XIAP: variants seen among roughly 807,000 people sequenced by gnomAD.
XIAP encodes E3 ubiquitin-protein ligase XIAP.
A neutral mutation model predicts 33.1 loss-of-function variants in XIAP; 3 were observed. The ratio of observed to expected loss-of-function variants is 0.09; its 90% CI spans 0.04 to 0.23. The LOEUF is 0.23. Ranked by LOEUF, XIAP falls within the 10% of genes least tolerant of loss-of-function variation. XIAP has a pLI of 1.00. For synonymous variants in XIAP, 98 were observed against 121.3 expected, an observed-to-expected ratio of 0.81 and a Z score of 1.26; for missense variants, 264 against 363.0, an observed-to-expected ratio of 0.73 and a Z score of 2.22.
At chrX:123,903,974 A>G (rs2053538058) in intron 6 of XIAP, among the ~76,000 whole-genome samples, 1 of 110,627 alleles carries the variant, frequency 9.0e-6, no homozygotes, top group African/African-American at 3.3e-5. Flanking sequence ...AATAATAATA[A>G]AAACATGTTC....
intron 1 of XIAP, among the ~76,000 whole-genome samples, chrX:123,880,139 G>A (rs781039965): frequency 1.3e-4 from 13 of 102,049 alleles, no homozygotes; most frequent in Admixed American, 3.2e-4. Context: ...AAGGCTGGGC[G>A]CGGTGGCTCA....
At chrX:123,861,766 T>C (rs1035413013) in intron 1 of XIAP, among the ~76,000 whole-genome samples, 3 of 111,938 alleles carry the variant, frequency 2.7e-5, no homozygotes, top group African/African-American at 9.7e-5. Context: ...TATTTATACA[T>C]ATCAGTGGTT....
At chrX:123,868,366 C>G (rs144459350) in intron 1 of XIAP, among the ~76,000 whole-genome samples, 1 of 110,921 alleles carries the variant, frequency 9.0e-6, no homozygotes, top group East Asian at 2.8e-4. Flanking sequence ...TTGATTCCAA[C>G]GATTCAAAAC....
chrX:123,892,588 G>T (rs1296665862), intron 4 of XIAP, 143 bp from the exon 5 acceptor site: 10 of 475,470 alleles, frequency 2.1e-5, no homozygotes, highest in Non-Finnish European at 3.7e-5. Context: ...AGCTCCATCA[G>T]GCTATGCCTC....
In XIAP at chrX:123,877,132, C is replaced by T. The variant is rs747696301; in HGVS notation, c.-32-8499C>T. The stretch of plus-strand genomic sequence containing the variant: ...CCAGGCTGGAGTACAGTGGCATGAT[C>T]TGGGCTCACTGCAACCCCCGCCTTC... On this transcript the variant is annotated intron_variant, in intron 1 of 6. Transcript: ENST00000371199. Among the ~76,000 whole-genome samples the T allele has an allele frequency of 1.4e-4, 15 of 106,828 alleles. No individual in the cohort carries two copies. The Admixed American group carries it at 1.5e-3, about 11-fold the overall frequency. The allele number at this position is 106,828 out of a possible 115,157, so 92.8% of individuals were successfully genotyped here.
intron 2 of XIAP, among the ~76,000 whole-genome samples, chrX:123,887,014 G>C (rs1292963160): frequency 8.9e-6 from 1 of 111,823 alleles, no homozygotes; most frequent in East Asian, 2.8e-4. Context: ...CCACCTCCCG[G>C]GTTCAAGCGA....
Position 123,860,199 on chromosome X carries a change from T to C in XIAP, c.-127T>C, listed in dbSNP as rs1462939343. The C allele has an allele frequency of 4.6e-5, 15 of 328,743 alleles. No homozygotes were observed. The highest frequency in any genetic ancestry group is 3.1e-4 in the South Asian group (12 of 38,448). The allele number at this position is 328,743 out of a possible 1,213,427, so 27.1% of individuals were successfully genotyped here. Reference sequence around the variant, plus strand: ...CCAAGCCGCAGAGCGGAGTTGGCATTTCCAGATTGGGGCTCGGGCCGCGCC... The same window carrying C: ...CCAAGCCGCAGAGCGGAGTTGGCATCTCCAGATTGGGGCTCGGGCCGCGCC... On this transcript the variant is annotated 5_prime_UTR_variant, in exon 1 of 7. Coordinates refer to ENST00000371199, the MANE Select transcript of XIAP (RefSeq NM_001167.4).
chrX:123,903,100 A>T (rs1490022917), intron 6 of XIAP, among the ~76,000 whole-genome samples: 5 of 110,861 alleles, frequency 4.5e-5, no homozygotes, highest in African/African-American at 9.8e-5. Flanking sequence ...TTATACAAGG[A>T]TGAAATAATA....
At chrX:123,865,921 A>AT (rs766703100) in intron 1 of XIAP, among the ~76,000 whole-genome samples, 92 of 99,369 alleles carry the variant, frequency 9.3e-4, no homozygotes, top group Middle Eastern at 5.1e-3. Flanking sequence ...CACCTGGCTA[A>AT]TTTTTTTTTT....
rs1311042525 is a variant in XIAP, at chrX:123,908,054, T to C, written c.*873T>C. ...GTTCTGTTCGAATTTTTTATAAGTA[T>C]GTATTACTTTTGTAATCAGAATTTT... On this transcript the variant is annotated 3_prime_UTR_variant, in exon 7 of 7. Transcript: ENST00000371199. 3.5e-5 allele frequency: 13 copies of C among 368,975 alleles called. No individual in the cohort carries two copies. Among genetic ancestry groups the C allele is most frequent in the African/African-American group, 1.0e-4 (4 of 39,568 alleles). The allele number at this position is 368,975 out of a possible 1,213,427, so 30.4% of individuals were successfully genotyped here.
intron 4 of XIAP, among the ~76,000 whole-genome samples, 199 bp from the exon 5 acceptor site, chrX:123,892,532 T>G (rs1478730372): frequency 9.0e-6 from 1 of 111,618 alleles, no homozygotes; most frequent in Admixed American, 9.6e-5. Flanking sequence ...AGCTTTTTGT[T>G]TGTAAAATGA....
intron 4 of XIAP, 76 bp from the exon 5 acceptor site, chrX:123,892,655 T>C: frequency 1.1e-6 from 1 of 871,977 alleles, no homozygotes; most frequent in Non-Finnish European, 1.7e-6. Context: ...AATTTATGAT[T>C]AATTTCACTT....
intron 1 of XIAP, among the ~76,000 whole-genome samples, chrX:123,875,198 A>G (rs971628666): frequency 5.0e-5 from 5 of 100,691 alleles, no homozygotes; most frequent in South Asian, 4.5e-4. Flanking sequence ...AATTTTTTGT[A>G]TTTTTAGTAG....
chrX:123,875,724 C>G (rs190280771), intron 1 of XIAP, among the ~76,000 whole-genome samples: 1 of 107,302 alleles, frequency 9.3e-6, no homozygotes, highest in East Asian at 2.9e-4. Flanking sequence ...CTCGCTGTGT[C>G]GCCCAGGCTG....
rs181285458 is a variant in XIAP, at chrX:123,911,561, G to T, written c.*4380G>T. 4 of 313,067 alleles carry T rather than the reference G, an allele frequency of 1.3e-5. No individual in the cohort carries two copies. The East Asian group carries it at 3.9e-4, about 31-fold the overall frequency. 25.8% of individuals were successfully genotyped at this position (313,067 alleles called of 1,213,427 possible). ...GGCGTGGTGGCACATGCCCATAGTC[G>T]CAGCTACTCTGGAGGCAGAGGCAGG... On this transcript the variant is annotated 3_prime_UTR_variant, in exon 7 of 7. Transcript: ENST00000371199.
rs1282986641 is a variant in XIAP, at chrX:123,892,224, A to G, written c.1057-507A>G. On this transcript the variant is annotated intron_variant, in intron 4 of 6. Transcript: ENST00000371199. ...CTACTAAAAATACAAAAATTTAGCT[A>G]GGCGTAATGGCGGGCGCCTGTAATC... is the stretch of plus-strand genomic sequence containing the variant. Among the ~76,000 whole-genome samples the G allele has an allele frequency of 2.7e-5, 3 of 110,536 alleles. 1 individual carries two copies. Among genetic ancestry groups the G allele is most frequent in the Non-Finnish European group, 5.7e-5 (3 of 52,884 alleles).
At chrX:123,870,099 AC>A (rs2053180449) in intron 1 of XIAP, among the ~76,000 whole-genome samples, 1 of 112,533 alleles carries the variant, frequency 8.9e-6, no homozygotes, top group African/African-American at 3.2e-5. Flanking sequence ...AGCTGGGACT[AC>A]AGGCACGCGC....
intron 6 of XIAP, among the ~76,000 whole-genome samples, chrX:123,903,665 T>C (rs2148109922): frequency 9.5e-6 from 1 of 104,823 alleles, no homozygotes; most frequent in African/African-American, 3.5e-5. Flanking sequence ...TTTTAAAAAA[T>C]TGTGATAAAA....
chrX:123,891,843 AAGAG>A (rs1448123153), intron 4 of XIAP, among the ~76,000 whole-genome samples: 1 of 107,872 alleles, frequency 9.3e-6, no homozygotes, highest in Non-Finnish European at 1.9e-5. Flanking sequence ...AAAAAAAAAA[AAGAG>A]AGAGCCTAAA....
Sources: allele counts gnomAD v4.1 joint callset (sites outside exome capture counted in the v4.1 genomes callset), GRCh38; gene constraint gnomAD v4.1.1; transcripts MANE v1.5; gene names NCBI Gene and HGNC (gene_info 2026-07-23, HGNC 2026-07-21).